ADCY2: variants seen among roughly 807,000 people sequenced by gnomAD.
ADCY2 encodes the protein adenylate cyclase type 2.
Under a neutral mutation model 125.2 loss-of-function variants are expected in ADCY2, and 31 were observed. The observed-to-expected ratio is 0.25, with a 90% CI of 0.19 to 0.33. The LOEUF is 0.33. Among genes scored for constraint, ADCY2 ranks in the 10% least tolerant of loss-of-function variants. The pLI, the probability that ADCY2 is intolerant of heterozygous loss-of-function variation, is 1.00. For missense variants in ADCY2, 904 were observed against 1,418.2 expected, an observed-to-expected ratio of 0.64 and a Z score of 5.82; for synonymous variants, 512 against 548.4, an observed-to-expected ratio of 0.93 and a Z score of 0.93.
chr5:7,481,760 C>T (rs1222722641), intron 2 of ADCY2, among the ~76,000 whole-genome samples: 1 of 135,846 alleles, frequency 7.4e-6, no homozygotes, highest in African/African-American at 2.8e-5. Context: ...GTTGTCTCTT[C>T]ACCATGCTGA....
chr5:7,546,174 A>G (rs17231202), intron 3 of ADCY2, among the ~76,000 whole-genome samples: 22,945 of 152,142 alleles, frequency 0.15, 2,273 homozygotes, highest in Non-Finnish European at 0.22. Flanking sequence ...GCGGATTCCT[A>G]TGGTCCTTTC....
intron 2 of ADCY2, among the ~76,000 whole-genome samples, chr5:7,450,471 TG>T (rs1277303727): frequency 6.6e-6 from 1 of 152,106 alleles, no homozygotes; most frequent in African/African-American, 2.4e-5. Context: ...CAAAGAAAAG[TG>T]GGAATCTAGC....
At chr5:7,826,318 T>C (rs1227681255) in intron 24 of ADCY2, among the ~76,000 whole-genome samples, 3 of 152,040 alleles carry the variant, frequency 2.0e-5, no homozygotes, top group African/African-American at 7.2e-5. Context: ...ACCACTCCAA[T>C]CTATTTTGGT....
intron 3 of ADCY2, among the ~76,000 whole-genome samples, chr5:7,552,435 C>A (rs1331513697): frequency 6.6e-6 from 1 of 152,150 alleles, no homozygotes; most frequent in African/African-American, 2.4e-5. Flanking sequence ...TATTGCAAAT[C>A]TTTTTTCTTT....
intron 3 of ADCY2, among the ~76,000 whole-genome samples, chr5:7,614,270 C>T (rs1314349020): frequency 1.3e-5 from 2 of 152,170 alleles, no homozygotes; most frequent in Non-Finnish European, 2.9e-5. Context: ...GGTCAGCCCT[C>T]CTACGACTAA....
intron 3 of ADCY2, among the ~76,000 whole-genome samples, chr5:7,549,125 G>A (rs1426470997): frequency 6.6e-6 from 1 of 152,190 alleles, no homozygotes; most frequent in African/African-American, 2.4e-5. Flanking sequence ...GACCATCAGT[G>A]CCATGAAGTT....
chr5:7,556,126 G>A (rs899275875), intron 3 of ADCY2, among the ~76,000 whole-genome samples: 2 of 152,000 alleles, frequency 1.3e-5, no homozygotes, highest in Non-Finnish European at 2.9e-5. Flanking sequence ...GTAACCCACC[G>A]CCAATAGCTA....
intron 3 of ADCY2, among the ~76,000 whole-genome samples, chr5:7,549,513 A>T (rs549977159): frequency 6.6e-6 from 1 of 152,310 alleles, no homozygotes; most frequent in East Asian, 1.9e-4. Context: ...AGAAAATGGG[A>T]TGGGAAGGTA....
intron 7 of ADCY2, among the ~76,000 whole-genome samples, chr5:7,702,747 A>T (rs1741131410): frequency 6.6e-6 from 1 of 152,196 alleles, no homozygotes; most frequent in Non-Finnish European, 1.5e-5. Context: ...ATACCCAGTA[A>T]TGGGATGGCT....
intron 2 of ADCY2, among the ~76,000 whole-genome samples, chr5:7,480,598 T>C (rs759183389): frequency 2.0e-5 from 3 of 151,970 alleles, no homozygotes; most frequent in African/African-American, 4.8e-5. Context: ...CGGGGGCCTA[T>C]TGGAGGGTGA....
chr5:7,741,722 CTATCAT>C (rs1742426330), intron 14 of ADCY2, among the ~76,000 whole-genome samples: 45 of 12,062 alleles, frequency 3.7e-3, no homozygotes, highest in Middle Eastern at 0.029. Flanking sequence ...ATCACCATCA[CTATCAT>C]CATCACCATC....
In ADCY2 at chr5:7,608,259, G is replaced by A. The variant is rs151328881; in HGVS notation, c.571-17908G>A. On this transcript the variant is annotated intron_variant, in intron 3 of 24. Coordinates refer to ENST00000338316, the MANE Select transcript of ADCY2 (RefSeq NM_020546.3). ...TATCCAAAGATCACCTGTGAGCAGG[G>A]AAATAACACAGTTGGAGGGCTGATT... Among the ~76,000 whole-genome samples the A allele has an allele frequency of 9.4e-3, 1,434 of 152,252 alleles. 16 individuals are homozygous for A. Among genetic ancestry groups the A allele is most frequent in the South Asian group, 0.016 (78 of 4,816 alleles).
intron 15 of ADCY2, among the ~76,000 whole-genome samples, chr5:7,745,975 C>G (rs1579384011): frequency 6.6e-6 from 1 of 152,212 alleles, no homozygotes; most frequent in East Asian, 1.9e-4. Context: ...TGGTGCCTCC[C>G]TTTCAGCCTC....
intron 7 of ADCY2, among the ~76,000 whole-genome samples, chr5:7,704,684 CCTAG>C (rs1436673461): frequency 6.6e-6 from 1 of 152,052 alleles, no homozygotes; most frequent in African/African-American, 2.4e-5. Flanking sequence ...TCGAGACCAT[CCTAG>C]CTGACACGCT....
At chr5:7,458,771 T>C (rs1436353701) in intron 2 of ADCY2, among the ~76,000 whole-genome samples, 1 of 152,148 alleles carries the variant, frequency 6.6e-6, no homozygotes, top group Non-Finnish European at 1.5e-5. Flanking sequence ...TAAGACTCGA[T>C]AGTACACAAA....
chr5:7,679,679 G>A (rs530497064), intron 4 of ADCY2, among the ~76,000 whole-genome samples: 2 of 152,294 alleles, frequency 1.3e-5, no homozygotes, highest in South Asian at 4.1e-4. Context: ...TTTCTGCATG[G>A]GCAGCTGGGC....
chr5:7,525,133 G>T (rs983884926), intron 3 of ADCY2, among the ~76,000 whole-genome samples: 17 of 152,172 alleles, frequency 1.1e-4, no homozygotes, highest in Admixed American at 3.9e-4. Context: ...CTCCCAAGTC[G>T]CTGGGACTAC....
At chr5:7,685,639 G>A (rs925280043) in intron 4 of ADCY2, among the ~76,000 whole-genome samples, 8 of 152,190 alleles carry the variant, frequency 5.3e-5, no homozygotes, top group Non-Finnish European at 8.8e-5. Context: ...GCTGAATTTT[G>A]TAATGGGAAA....
At chr5:7,447,117 T>G (rs1741292135) in intron 2 of ADCY2, among the ~76,000 whole-genome samples, 1 of 152,100 alleles carries the variant, frequency 6.6e-6, no homozygotes, top group Non-Finnish European at 1.5e-5. Context: ...GGTCATCTGG[T>G]ACAAGGGCTG....
Sources: gnomAD v4.1 joint callset for allele counts (sites outside exome capture counted in the v4.1 genomes callset) on GRCh38, gnomAD v4.1.1 for gene constraint, MANE v1.5 for transcripts, NCBI Gene and HGNC (gene_info 2026-07-23, HGNC 2026-07-21) for gene names.